The following DBNDD2 variants were observed in gnomAD, a reference collection of about 807,000 sequenced individuals.
The protein encoded by DBNDD2 is dysbindin domain-containing protein 2.
In DBNDD2, 8 loss-of-function variants were observed where a neutral mutation model predicts 14.0. The observed-to-expected ratio is 0.57, with a 90% CI of 0.33 to 1.03. The LOEUF is 1.03. Among genes scored for constraint, DBNDD2 ranks in the 50% least tolerant of loss-of-function variants. The pLI, the probability that DBNDD2 is intolerant of heterozygous loss-of-function variation, is 0.03. For synonymous variants in DBNDD2, 94 were observed against 85.3 expected (o/e 1.10, Z -0.56); for missense variants, 194 against 206.0 (o/e 0.94, Z 0.36).
chr20:45,406,844 C>T, upstream of DBNDD2: 1 of 1,200,698 alleles, frequency 8.3e-7, no homozygotes, highest in Non-Finnish European at 1.0e-6. Flanking sequence ...CCGCCGACGC[C>T]TCGTGTCCCT....
chr20:45,408,893 G>A lies in DBNDD2; in HGVS notation c.232G>A (p.Val78Met), dbSNP rs747632423. 9 of 1,614,110 alleles carry A rather than the reference G, an allele frequency of 5.6e-6. No individual in the cohort carries two copies. Among genetic ancestry groups the A allele is most frequent in the Non-Finnish European group, 8.5e-7 (1 of 1,180,060 alleles). ...IDLGDPDAAD[V>M]FLPCEDPPPT... Reference sequence around the variant, plus strand: ...CCTTGGGGACCCGGATGCAGCAGATGTGTTCTTGCCTTGCGAAGATCCTCC... The same window carrying A: ...CCTTGGGGACCCGGATGCAGCAGATATGTTCTTGCCTTGCGAAGATCCTCC... Residue 78 changes from valine (V) to methionine (M), a missense_variant, in exon 2 of 3, where the codon GTG becomes ATG. Transcript: ENST00000372710.
upstream of DBNDD2, chr20:45,406,480 TG>T (rs1989388949): frequency 6.5e-7 from 1 of 1,528,124 alleles, no homozygotes; most frequent in Non-Finnish European, 8.8e-7. Flanking sequence ...TTGACCGCCT[TG>T]GAAGTACCAG....
upstream of DBNDD2, chr20:45,408,016 G>A (rs144571802): frequency 5.2e-4 from 739 of 1,430,876 alleles, 3 homozygotes; most frequent in African/African-American, 9.6e-3. Context: ...CAGCACTGGA[G>A]GAAGGGAACC....
chr20:45,406,979 C>A (rs1345053679), upstream of DBNDD2, among the ~76,000 whole-genome samples: 1 of 152,212 alleles, frequency 6.6e-6, no homozygotes, highest in Non-Finnish European at 1.5e-5. Flanking sequence ...TCTCTTCACC[C>A]CCTTTCCAGT....
rs1415921844 is a variant in DBNDD2, at chr20:45,408,860, C to T, written c.199C>T (p.Leu67Phe). Residue 67 changes from leucine (L) to phenylalanine (F), a missense_variant, in exon 2 of 3, where the codon CTT (leucine) becomes TTT (phenylalanine). Leu to Phe is a conservative substitution (Grantham distance 22, BLOSUM62 0). Transcript: ENST00000372710. ...VNVDTLEQVELIDLGDPDAAD... is the reference protein window; with the variant it reads ...VNVDTLEQVEFIDLGDPDAAD... ...TGTGGACACACTGGAGCAAGTAGAA[C>T]TTATTGACCTTGGGGACCCGGATGC... The T allele has an allele frequency of 6.2e-7, 1 of 1,614,100 alleles. No individual in the cohort carries two copies. Among genetic ancestry groups the T allele is most frequent in the Non-Finnish European group, 8.5e-7 (1 of 1,180,038 alleles).
Position 45,410,595 on chromosome 20 carries a change from A to G in DBNDD2, c.*455A>G, listed in dbSNP as rs1265635399. Reference sequence around the variant, plus strand: ...AGCACGGTATAAATAATAAACTAATAATAATATGCCAACCATTCGACTTCA... The same window carrying G: ...AGCACGGTATAAATAATAAACTAATGATAATATGCCAACCATTCGACTTCA... On this transcript the variant is annotated 3_prime_UTR_variant, in exon 3 of 3. Coordinates refer to ENST00000372710, the MANE Select transcript of DBNDD2 (RefSeq NM_001048225.4). 1 of 162,732 alleles carries G rather than the reference A, an allele frequency of 6.1e-6. No homozygotes were observed. The highest frequency in any genetic ancestry group is 1.7e-4 in the East Asian group (1 of 5,888). The allele number at this position is 162,732 out of a possible 1,614,324, so 10.1% of individuals were successfully genotyped here. A position where few individuals can be genotyped will look rare whatever the true frequency, so the allele number is the denominator to read the frequency against.
chr20:45,406,342 T>A, upstream of DBNDD2: 1 of 1,047,008 alleles, frequency 9.6e-7, no homozygotes, highest in Non-Finnish European at 1.3e-6. Flanking sequence ...CCGCCGCGGG[T>A]CTGCGCGGGG....
At position 45,410,165 on chromosome 20, in the gene DBNDD2, A is replaced by T; in HGVS notation, c.*25A>T. On this transcript the variant is annotated 3_prime_UTR_variant, in exon 3 of 3. Transcript: ENST00000372710. ...GCAGTGGGCCCCTGCCTACAGACTG[A>T]CCACGCTGGCTATTCTCCACATGAG... 1 of 1,551,120 alleles carries T rather than the reference A, an allele frequency of 6.4e-7. No homozygotes were observed. Among genetic ancestry groups the T allele is most frequent in the Non-Finnish European group, 8.7e-7 (1 of 1,146,864 alleles).
At chr20:45,407,754 C>A, upstream of DBNDD2, 1 of 1,009,264 alleles carries the variant, frequency 9.9e-7, no homozygotes, top group Non-Finnish European at 1.2e-6. Flanking sequence ...CTCACCTTCA[C>A]AAGCAGGGTC....
Position 45,410,314 on chromosome 20 carries a change from G to C in DBNDD2, c.*174G>C. The C allele has an allele frequency of 7.8e-6, 6 of 766,804 alleles. No individual in the cohort carries two copies. Among genetic ancestry groups the C allele is most frequent in the Non-Finnish European group, 1.2e-5 (6 of 490,812 alleles). 47.5% of individuals were successfully genotyped at this position (766,804 alleles called of 1,614,324 possible). A position where few individuals can be genotyped will look rare whatever the true frequency, so the allele number is the denominator to read the frequency against. ...AGAATTAACCCTCTCCTGCTTTACTGCTAATTTTTTCCTGCTGCAACCCTC... is the reference window on the plus strand; with the variant it reads ...AGAATTAACCCTCTCCTGCTTTACTCCTAATTTTTTCCTGCTGCAACCCTC... On this transcript the variant is annotated 3_prime_UTR_variant, in exon 3 of 3. Transcript: ENST00000372710.
At position 45,408,412 on chromosome 20, in the gene DBNDD2, T is replaced by C; in HGVS notation, c.-56T>C. The C allele has an allele frequency of 1.9e-6, 3 of 1,614,194 alleles. No individual in the cohort carries two copies. The highest frequency in any genetic ancestry group is 2.5e-6 in the Non-Finnish European group (3 of 1,180,044). The stretch of plus-strand genomic sequence containing the variant: ...GCCCCAAGCCCAGGTCCCCTCTGTC[T>C]TCTCTTTCGACTTTGCAGCTGTACT... On this transcript the variant is annotated 5_prime_UTR_variant, in exon 1 of 3. Transcript: ENST00000372710.
At chr20:45,407,546 A>G, upstream of DBNDD2, 2 of 986,372 alleles carry the variant, frequency 2.0e-6, no homozygotes, top group Non-Finnish European at 2.4e-6. Flanking sequence ...GGGCTGGCCC[A>G]TAGCCTCAGT....
rs766869038 is a variant in DBNDD2, at chr20:45,410,061, G to A, written c.407G>A (p.Gly136Glu). Reference protein sequence around the residue: ...NLHSPNPSDDGADTPLAQSDE... With the variant: ...NLHSPNPSDDEADTPLAQSDE... ...CATAGCCCAAATCCAAGTGATGATG[G>A]AGCAGATACGCCCTTGGCACAGTCG... is the stretch of plus-strand genomic sequence containing the variant. The change falls in exon 3 of 3, where the codon GGA becomes GAA. Residue 136 changes from glycine to glutamate, a missense_variant. Coordinates refer to ENST00000372710, the MANE Select transcript of DBNDD2 (RefSeq NM_001048225.4). 7 of 1,554,544 alleles carry A rather than the reference G, an allele frequency of 4.5e-6. No individual in the cohort carries two copies. The highest frequency in any genetic ancestry group is 6.1e-6 in the Non-Finnish European group (7 of 1,148,426).
upstream of DBNDD2, chr20:45,407,278 C>T: frequency 1.0e-6 from 1 of 982,420 alleles, no homozygotes; most frequent in Non-Finnish European, 1.2e-6. Flanking sequence ...GCTCCTCCGC[C>T]GCCAGCCCGC....
chr20:45,407,288 C>A, upstream of DBNDD2: 1 of 984,542 alleles, frequency 1.0e-6, no homozygotes, highest in Non-Finnish European at 1.2e-6. Flanking sequence ...CGCCAGCCCG[C>A]GGCCGCACGG....
upstream of DBNDD2, chr20:45,407,678 G>A (rs1989533312): frequency 1.7e-5 from 17 of 992,506 alleles, no homozygotes; most frequent in Non-Finnish European, 2.0e-5. Context: ...AGTGAGATGT[G>A]TCCCAGGAGG....
chr20:45,406,499 G>C (rs1989390757), upstream of DBNDD2: 1 of 1,526,936 alleles, frequency 6.5e-7, no homozygotes, highest in Non-Finnish European at 8.8e-7. Flanking sequence ...CAGTAGCCGC[G>C]CTCGCAGGGG....
rs1483219958 is a variant in DBNDD2, at chr20:45,410,121, A to G, written c.467A>G (p.Glu156Gly). The G allele has an allele frequency of 6.4e-7, 1 of 1,551,874 alleles. No homozygotes were observed. Among genetic ancestry groups the G allele is most frequent in the East Asian group, 2.4e-5 (1 of 40,964 alleles). Residue 156 changes from glutamate to glycine, a missense_variant, in exon 3 of 3, where the codon GAG (glutamate) becomes GGG (glycine). Transcript: ENST00000372710. Reference sequence around the variant, plus strand: ...GAGGAAAGGGGTGATGGAGGGGCAGAGCCTGGAGCCTGCAGCTAGCAGTGG... The same window carrying G: ...GAGGAAAGGGGTGATGGAGGGGCAGGGCCTGGAGCCTGCAGCTAGCAGTGG... ...EEEERGDGGAEPGACS is the reference protein window; with the variant it reads ...EEEERGDGGAGPGACS
upstream of DBNDD2, chr20:45,406,715 G>A: frequency 7.7e-7 from 1 of 1,298,214 alleles, no homozygotes; most frequent in South Asian, 2.4e-5. Flanking sequence ...TGAGTCAGAG[G>A]GGGCGCCAGC....
Sources: gnomAD v4.1 joint callset for allele counts (sites outside exome capture counted in the v4.1 genomes callset) on GRCh38, gnomAD v4.1.1 for gene constraint, MANE v1.5 for transcripts, NCBI Gene and HGNC (gene_info 2026-07-23, HGNC 2026-07-21) for gene names.